Variants in SETD1B observed in about 807,000 individuals in gnomAD.
SETD1B encodes histone-lysine N-methyltransferase SETD1B.
SETD1B carries 7 observed loss-of-function variants against 148.0 expected under a neutral mutation model. The ratio of observed to expected loss-of-function variants is 0.05; its 90% CI spans 0.03 to 0.09. The LOEUF (loss-of-function observed/expected upper bound fraction) is 0.09. Among genes scored for constraint, SETD1B ranks in the 10% least tolerant of loss-of-function variants. The probability of loss-of-function intolerance (pLI) is 1.00; values close to 1 mark genes in which losing one functional copy is unlikely to be tolerated. For missense variants in SETD1B, 2,155 were observed against 2,729.9 expected (o/e 0.79, Z 4.69); for synonymous variants, 1,361 against 1,186.5 (o/e 1.15, Z -3.02).
rs761997307 is a variant in SETD1B at position 121,827,680 on chromosome 12, G to T, written c.5469+30G>T. The T allele has an allele frequency of 3.0e-5, 47 of 1,551,554 alleles. No homozygotes were observed. In the African/African-American group the frequency reaches 6.1e-4, roughly 20 times the overall value. Reference sequence around the variant, plus strand: ...GGCCGGGCTTCACCCAGATCGCCGGGGTGGCGGCAGGACCTGAGACCGGGG... The same window carrying T: ...GGCCGGGCTTCACCCAGATCGCCGGTGTGGCGGCAGGACCTGAGACCGGGG... On this transcript the variant is annotated intron_variant, in intron 14 of 16. Coordinates refer to ENST00000604567, the MANE Select transcript of SETD1B (RefSeq NM_001353345.2).
rs1459569771 is a variant in SETD1B at position 121,814,666 on chromosome 12, C to T, written c.2451C>T (p.Tyr817=). Residue 817 remains tyrosine, a synonymous_variant, in exon 7 of 17, where the codon TAC becomes TAT. Coordinates refer to ENST00000604567, the MANE Select transcript of SETD1B (RefSeq NM_001353345.2). ...AGLQFVNLPP[Y]RGPFSLSNSG... is the part of the protein sequence containing the mutation. ...TCCAGTTTGTCAACCTGCCGCCCTA[C>T]CGGGGCCCCTTCTCCCTGAGCAACT... 5.5e-5 allele frequency: 85 copies of T among 1,549,624 alleles called. No individual in the cohort carries two copies. The highest frequency in any genetic ancestry group is 7.2e-5 in the Non-Finnish European group (82 of 1,146,708).
In SETD1B at chr12:121,809,959, G is replaced by A. The variant is rs755283296; in HGVS notation, c.1014G>A (p.Ala338=). ...HYVHNSPAVT[A]VAGATAAFRG... is the part of the protein sequence containing the mutation. Reference sequence around the variant, plus strand: ...TACACAATTCTCCCGCGGTCACTGCGGTGGCCGGGGCCACAGCCGCTTTCC... The same window carrying A: ...TACACAATTCTCCCGCGGTCACTGCAGTGGCCGGGGCCACAGCCGCTTTCC... The change falls in exon 6 of 17, where the codon GCG becomes GCA. Residue 338 remains alanine (A), a synonymous_variant. Coordinates refer to ENST00000604567, the MANE Select transcript of SETD1B (RefSeq NM_001353345.2). 2.7e-5 allele frequency: 42 copies of A among 1,550,826 alleles called. No homozygotes were observed. The highest frequency in any genetic ancestry group is 2.0e-4 in the South Asian group (17 of 84,062).
At chr12:121,820,116 C>T (rs1042572126) in intron 11 of SETD1B, among the ~76,000 whole-genome samples, 1 of 152,262 alleles carries the variant, frequency 6.6e-6, no homozygotes, top group Non-Finnish European at 1.5e-5. Context: ...GGAACGACTG[C>T]TATTTTTCAG....
intron 13 of SETD1B, among the ~76,000 whole-genome samples, chr12:121,825,997 A>G (rs1246309762): frequency 6.6e-6 from 1 of 152,072 alleles, no homozygotes; most frequent in Admixed American, 6.6e-5. Context: ...CATGCTGTGT[A>G]CCGGGCACTG....
At position 121,808,351 on chromosome 12, in the gene SETD1B, G is replaced by A. The variant is rs1341094308; in HGVS notation, c.657+31G>A. 16 of 1,476,368 alleles carry A rather than the reference G, an allele frequency of 1.1e-5. No homozygotes were observed. In the African/African-American group the frequency reaches 1.3e-4, roughly 12 times the overall value. 91.5% of individuals were successfully genotyped at this position (1,476,368 alleles called of 1,614,324 possible). On this transcript the variant is annotated intron_variant, in intron 5 of 16. Transcript: ENST00000604567. The surrounding 1 kb of genome is among the most constrained non-coding windows in gnomAD (Gnocchi z 5.3). ...TTTATGGCCGTCAGTCTGCCCCATC[G>A]CCAGCTCTTTGATGTGCCCCCCACC...
upstream of SETD1B, chr12:121,803,398 C>T (rs1875497658): frequency 6.6e-6 from 1 of 152,314 alleles, no homozygotes; most frequent in African/African-American, 2.4e-5. This position sits in a 1 kb window ranked among gnomAD's most constrained non-coding sequence, Gnocchi z 4.7. Context: ...AGGCGTCTAT[C>T]GCCCAGGTCC....
chr12:121,811,538 G>A (rs1360904169), intron 6 of SETD1B, among the ~76,000 whole-genome samples: 2 of 152,254 alleles, frequency 1.3e-5, no homozygotes, highest in Non-Finnish European at 2.9e-5. Context: ...TCCAGCCTCA[G>A]GAAGTCCCGC....
Position 121,814,254 on chromosome 12 carries a change from C to T in SETD1B, c.2039C>T (p.Pro680Leu), listed in dbSNP as rs960242810. The T allele has an allele frequency of 5.3e-6, 8 of 1,495,918 alleles. No homozygotes were observed. Among genetic ancestry groups the T allele is most frequent in the African/African-American group, 1.5e-5 (1 of 68,508 alleles). 92.7% of individuals were successfully genotyped at this position (1,495,918 alleles called of 1,614,324 possible). A position where few individuals can be genotyped will look rare whatever the true frequency, so the allele number is the denominator to read the frequency against. ...CCTTCTGTGCTAGCCCCAACCCTGC[C>T]GCTGCCCCCGCCACCTGGCTTCCCC... ...AAPSVLAPTL[P>L]LPPPPGFPPL... Residue 680 changes from proline to leucine, a missense_variant, in exon 7 of 17, where the codon CCG becomes CTG. Pro to Leu is a moderately conservative substitution (Grantham distance 98, BLOSUM62 -3). This residue lies in a region of SETD1B where 295 missense variants were observed against 303.8 expected (regional missense o/e 0.97). Transcript: ENST00000604567.
At chr12:121,796,459 A>G in the SETD1B span, among the ~76,000 whole-genome samples, 15 of 152,346 alleles carry the variant, frequency 9.8e-5, no homozygotes, top group African/African-American at 3.4e-4. Context: ...AGCAAAGTCC[A>G]GCCAGCCCCA....
rs1875628560 is a variant in SETD1B, at chr12:121,804,689, C to T, written c.-14-35C>T. 5 of 1,524,048 alleles carry T rather than the reference C, an allele frequency of 3.3e-6. No individual in the cohort carries two copies. Among genetic ancestry groups the T allele is most frequent in the Non-Finnish European group, 4.4e-6 (5 of 1,131,794 alleles). 94.4% of individuals were successfully genotyped at this position (1,524,048 alleles called of 1,614,324 possible). On this transcript the variant is annotated intron_variant, in intron 1 of 16. Transcript: ENST00000604567. The surrounding 1 kb of genome is among the most constrained non-coding windows in gnomAD (Gnocchi z 4.6). The stretch of plus-strand genomic sequence containing the variant: ...GTGTAGAAGCGGCCGCCGCCGCCGC[C>T]GCGGCGGAGACGACAACAACTTGCT...
At position 121,819,635 on chromosome 12, in the gene SETD1B, C is replaced by G. The variant is rs1447310609; in HGVS notation, c.3650C>G (p.Ala1217Gly). ...TTTGAGCAGGACGGGGAGGAAGCGG[C>G]TCTGGCCCCGGGGGCACCTGCAGTG... ...EDFEQDGEEAALAPGAPAVDS... is the reference protein window; with the variant it reads ...EDFEQDGEEAGLAPGAPAVDS... Residue 1217 changes from alanine (A) to glycine (G), a missense_variant, in exon 11 of 17, where the codon GCT becomes GGT. By Grantham distance (60) the Ala-to-Gly change is moderately conservative. This residue lies in a region of SETD1B where 862 missense variants were observed against 873.8 expected (regional missense o/e 0.99). Transcript: ENST00000604567. The G allele has an allele frequency of 6.4e-7, 1 of 1,551,742 alleles. No individual in the cohort carries two copies. The highest frequency in any genetic ancestry group is 8.7e-7 in the Non-Finnish European group (1 of 1,147,026).
chr12:121,797,473 G>A, the SETD1B span: 1 of 456,376 alleles, frequency 2.2e-6, no homozygotes, highest in African/African-American at 2.0e-5. Context: ...GGTGATGGTG[G>A]GGGGACAAAG....
In SETD1B at chr12:121,809,643, C is replaced by G; in HGVS notation, c.698C>G (p.Ser233Cys). The G allele has an allele frequency of 6.4e-7, 1 of 1,551,364 alleles. No individual in the cohort carries two copies. The highest frequency in any genetic ancestry group is 8.7e-7 in the Non-Finnish European group (1 of 1,146,860). ...ALKRLKDGGL[S>C]AGCGSGSSSV... ...AAGCGCCTCAAGGATGGAGGCCTGT[C>G]TGCAGGCTGTGGCTCCGGCTCCTCC... The change falls in exon 6 of 17, where the codon TCT (serine) becomes TGT (cysteine). Residue 233 changes from serine to cysteine, a missense_variant. Transcript: ENST00000604567.
rs1875716078 is a variant in SETD1B, at chr12:121,805,824, G to T, written c.274-11G>T. ...GTTCTTCAAACTCCCTTCCCCCTCG[G>T]CCCCTGCCAGATCGATGAGTTCTAC... On this transcript the variant is annotated splice_polypyrimidine_tract_variant and intron_variant, in intron 3 of 16. Coordinates refer to ENST00000604567, the MANE Select transcript of SETD1B (RefSeq NM_001353345.2). The surrounding 1 kb of genome is among the most constrained non-coding windows in gnomAD (Gnocchi z 4.2). 6.5e-7 allele frequency: 1 copy of T among 1,550,274 alleles called. No homozygotes were observed. The highest frequency in any genetic ancestry group is 1.2e-5 in the South Asian group (1 of 83,978).
rs2137540856 is a variant in SETD1B at position 121,804,554 on chromosome 12, T to G, written c.-14-170T>G. Among the ~76,000 whole-genome samples the G allele has an allele frequency of 6.6e-6, 1 of 151,298 alleles. No homozygotes were observed. Among genetic ancestry groups the G allele is most frequent in the East Asian group, 2.0e-4 (1 of 5,078 alleles). ...GCGCGTAATTCTCCCGGAAGGGTTATTCTCTCGCTCCATTCTTGTTTTGGG... is the reference window on the plus strand; with the variant it reads ...GCGCGTAATTCTCCCGGAAGGGTTAGTCTCTCGCTCCATTCTTGTTTTGGG... On this transcript the variant is annotated intron_variant, in intron 1 of 16. Transcript: ENST00000604567. This position sits in a 1 kb window ranked among gnomAD's most constrained non-coding sequence, Gnocchi z 4.6.
rs1179438864 is a variant in SETD1B at position 121,810,738 on chromosome 12, C to T, written c.1793C>T (p.Pro598Leu). Residue 598 changes from proline (P) to leucine (L), a missense_variant, in exon 6 of 17, where the codon CCA becomes CTA. Pro to Leu is a moderately conservative substitution (Grantham distance 98). Transcript: ENST00000604567. The surrounding 1 kb of genome is among the most constrained non-coding windows in gnomAD (Gnocchi z 7.6). ...LGLGPRPPPEPGPPDPAGLLS... is the reference protein window; with the variant it reads ...LGLGPRPPPELGPPDPAGLLS... ...CTTGGGCCTCGGCCTCCACCTGAGC[C>T]AGGCCCCCCGGACCCTGCTGGGCTT... The T allele has an allele frequency of 6.4e-7, 1 of 1,551,246 alleles. No individual in the cohort carries two copies. Among genetic ancestry groups the T allele is most frequent in the Non-Finnish European group, 8.7e-7 (1 of 1,146,806 alleles).
chr12:121,797,199 T>C, the SETD1B span: 3 of 350,868 alleles, frequency 8.6e-6, no homozygotes, highest in Non-Finnish European at 1.7e-5. Flanking sequence ...ACCCAGAGGG[T>C]CCGAAAGGTC....
chr12:121,818,054 G>T, intron 10 of SETD1B, 150 bp downstream of exon 10: 1 of 765,186 alleles, frequency 1.3e-6, no homozygotes, highest in Non-Finnish European at 2.0e-6. Flanking sequence ...GTGGCGTACG[G>T]TTCCATCTTC....
Position 121,810,803 on chromosome 12 carries a change from G to C in SETD1B, c.1858G>C (p.Asp620His), listed in dbSNP as rs756345064. 6.5e-7 allele frequency: 1 copy of C among 1,527,816 alleles called. No homozygotes were observed. Among genetic ancestry groups the C allele is most frequent in the Admixed American group, 2.1e-5 (1 of 48,222 alleles). The allele number at this position is 1,527,816 out of a possible 1,614,324, so 94.6% of individuals were successfully genotyped here. ...TGAGGTGGCCTTGGACCTGGTTGGA[G>C]ACAGAACCCCGACCTCAGAGAAGAT... The part of the protein sequence containing the change: ...TAEVALDLVG[D>H]RTPTSEKMDE... Residue 620 changes from aspartate to histidine, a missense_variant, in exon 6 of 17, where the codon GAC (aspartate) becomes CAC (histidine). Around this residue, in one of 11 missense-constraint regions of SETD1B, gnomAD observed 295 missense variants for 303.8 expected, o/e 0.97. Coordinates refer to ENST00000604567, the MANE Select transcript of SETD1B (RefSeq NM_001353345.2). The surrounding 1 kb of genome is among the most constrained non-coding windows in gnomAD (Gnocchi z 7.6).
Sources: gnomAD v4.1 joint callset for allele counts (sites outside exome capture counted in the v4.1 genomes callset) on GRCh38, gnomAD v4.1.1 for gene constraint, gnomAD v4.1.1 regional missense constraint, Gnocchi (gnomAD v3.1) non-coding constraint, MANE v1.5 for transcripts, NCBI Gene and HGNC (gene_info 2026-07-23, HGNC 2026-07-21) for gene names.